FRMPD4: variants seen among roughly 807,000 people sequenced by gnomAD.
The protein encoded by FRMPD4 is FERM and PDZ domain containing 4.
Under a neutral mutation model 94.1 loss-of-function variants are expected in FRMPD4, and 22 were observed. The ratio of observed to expected loss-of-function variants is 0.23; its 90% CI spans 0.17 to 0.33. The LOEUF is 0.33. Among genes scored for constraint, FRMPD4 ranks in the 10% least tolerant of loss-of-function variants. FRMPD4 has a pLI of 1.00. For missense variants in FRMPD4, 1,111 were observed against 1,339.9 expected (o/e 0.83, Z 2.67); for synonymous variants, 631 against 548.6 (o/e 1.15, Z -2.10).
chrX:12,432,004 C>T (rs1225843026), intron 1 of FRMPD4, among the ~76,000 whole-genome samples: 1 of 111,900 alleles, frequency 8.9e-6, no homozygotes, highest in Non-Finnish European at 1.9e-5. Context: ...AACCAGAGCC[C>T]CTCCCTGCCT....
Position 12,376,646 on chromosome X carries a change from GAC to G in FRMPD4, c.42-122015_42-122014del, listed in dbSNP as rs112007203. On this transcript the variant is annotated intron_variant, in intron 1 of 16. Transcript: ENST00000675598. ...ACGTGTGTGGGTGCACGTGCATGTGGACACACACACACACACACACTCATTCA... is the reference window on the plus strand; with the variant it reads ...ACGTGTGTGGGTGCACGTGCATGTGGACACACACACACACACACTCATTCA... Among the ~76,000 whole-genome samples, 554 of 109,961 alleles carry G rather than the reference GAC, an allele frequency of 5.0e-3. 3 individuals are homozygous for G. Among genetic ancestry groups the G allele is most frequent in the African/African-American group, 0.017 (502 of 30,223 alleles).
intron 2 of FRMPD4, among the ~76,000 whole-genome samples, chrX:12,556,373 A>G (rs1299252112): frequency 9.0e-6 from 1 of 110,584 alleles, no homozygotes; most frequent in Non-Finnish European, 1.9e-5. Flanking sequence ...AGCAGCAGAG[A>G]CCCTCTTGCT....
chrX:11,822,555 G>T (rs1177989610), exon 1 of FRMPD4, among the ~76,000 whole-genome samples: 1 of 112,021 alleles, frequency 8.9e-6, no homozygotes, highest in African/African-American at 3.2e-5. Context: ...GTCACACAAA[G>T]AAAAAGAGCT....
rs376884335 is a variant in FRMPD4, at chrX:12,317,585, CAAA to C, written c.41+178589_41+178591del. The stretch of plus-strand genomic sequence containing the variant: ...ACAAGGAAGTCAAACAACTAAATAG[CAAA>C]AAAAAAAAAAAAAAACAAAAAAAAC... On this transcript the variant is annotated intron_variant, in intron 1 of 16. Coordinates refer to ENST00000675598, the MANE Select transcript of FRMPD4 (RefSeq NM_001368397.1). 2.5e-3 allele frequency among the ~76,000 whole-genome samples: 104 copies of C among 42,423 alleles called. 1 individual carries two copies. Among genetic ancestry groups the C allele is most frequent in the African/African-American group, 6.9e-3 (83 of 12,052 alleles). 36.8% of individuals were successfully genotyped at this position (42,423 alleles called of 115,157 possible).
intron 3 of FRMPD4, among the ~76,000 whole-genome samples, chrX:11,980,024 C>T (rs1419468562): frequency 9.0e-6 from 1 of 111,678 alleles, no homozygotes; most frequent in Non-Finnish European, 1.9e-5. Context: ...CACGCACGCT[C>T]ATGCTTGTGT....
intron 2 of FRMPD4, among the ~76,000 whole-genome samples, chrX:11,874,187 G>A (rs914015840): frequency 1.3e-4 from 15 of 112,628 alleles, no homozygotes; most frequent in African/African-American, 4.8e-4. Flanking sequence ...GTCTCGCTCT[G>A]TTACTCAGGC....
At chrX:12,352,754 C>T (rs941367698) in intron 1 of FRMPD4, among the ~76,000 whole-genome samples, 2 of 112,035 alleles carry the variant, frequency 1.8e-5, no homozygotes, top group African/African-American at 6.5e-5. Context: ...AATTTTTATA[C>T]ACACATACAT....
At chrX:12,501,220 A>G (rs2057916271) in intron 2 of FRMPD4, among the ~76,000 whole-genome samples, 1 of 112,745 alleles carries the variant, frequency 8.9e-6, no homozygotes. Context: ...CAGCAGCTTA[A>G]TAGAGAAACC....
At chrX:12,571,021 A>G (rs1266124031) in intron 2 of FRMPD4, among the ~76,000 whole-genome samples, 1 of 112,645 alleles carries the variant, frequency 8.9e-6, no homozygotes, top group Non-Finnish European at 1.9e-5. Context: ...GGGGATTACC[A>G]TAAATAAAAA....
At chrX:12,446,455 A>G (rs904737609) in intron 1 of FRMPD4, among the ~76,000 whole-genome samples, 1 of 112,133 alleles carries the variant, frequency 8.9e-6, no homozygotes, top group African/African-American at 3.2e-5. Context: ...ATAAGGAATT[A>G]GTATTCCTCT....
intron 1 of FRMPD4, among the ~76,000 whole-genome samples, chrX:12,165,123 C>A (rs1184615023): frequency 3.6e-5 from 4 of 111,178 alleles, no homozygotes; most frequent in Non-Finnish European, 7.6e-5. Flanking sequence ...AAGTCCTTGC[C>A]CATGCCTATG....
chrX:12,026,792 A>T (rs989823190), intron 3 of FRMPD4, among the ~76,000 whole-genome samples: 1 of 112,762 alleles, frequency 8.9e-6, no homozygotes, highest in African/African-American at 3.2e-5. Context: ...AAGGAGGGAA[A>T]AAAAAACATT....
At chrX:12,393,451 T>G (rs2056503764) in intron 1 of FRMPD4, among the ~76,000 whole-genome samples, 1 of 112,323 alleles carries the variant, frequency 8.9e-6, no homozygotes, top group South Asian at 3.7e-4. Flanking sequence ...TAAATTAAGA[T>G]AGGCTTGGCT....
In FRMPD4 at chrX:12,580,233, A is replaced by G. The variant is rs774040146; in HGVS notation, c.159-29488A>G. Among the ~76,000 whole-genome samples, 3 of 111,833 alleles carry G rather than the reference A, an allele frequency of 2.7e-5. No homozygotes were observed. In the South Asian group the frequency reaches 1.1e-3, roughly 42 times the overall value. ...TCCAGTGGCTAAAACTCTAATAGAA[A>G]ACCTATAGTTTTTCTGGCCTGAAGA... is the stretch of plus-strand genomic sequence containing the variant. On this transcript the variant is annotated intron_variant, in intron 2 of 16. Transcript: ENST00000675598.
At chrX:11,924,768 T>A (rs1001981376) in intron 3 of FRMPD4, among the ~76,000 whole-genome samples, 1 of 111,617 alleles carries the variant, frequency 9.0e-6, no homozygotes, top group Non-Finnish European at 1.9e-5. Flanking sequence ...GCACTAAATA[T>A]GAAAAAGAAA....
chrX:12,634,101 T>G (rs1315271009), intron 4 of FRMPD4, among the ~76,000 whole-genome samples: 12 of 112,402 alleles, frequency 1.1e-4, no homozygotes, highest in Non-Finnish European at 2.3e-4. Context: ...ATTTCACACT[T>G]AAACAACTAA....
At chrX:11,908,848 C>G (rs2053981961) in intron 3 of FRMPD4, among the ~76,000 whole-genome samples, 1 of 111,895 alleles carries the variant, frequency 8.9e-6, no homozygotes, top group Non-Finnish European at 1.9e-5. Flanking sequence ...GACCATATTA[C>G]TCTGCTATTA....
At chrX:12,398,315 TC>T (rs2056569824) in intron 1 of FRMPD4, among the ~76,000 whole-genome samples, 1 of 112,087 alleles carries the variant, frequency 8.9e-6, no homozygotes, top group Admixed American at 9.4e-5. Flanking sequence ...ATACTGGCAA[TC>T]CCTATGGAGA....
chrX:12,263,632 G>C (rs148461679), intron 1 of FRMPD4, among the ~76,000 whole-genome samples: 1,186 of 111,442 alleles, frequency 0.011, 19 homozygotes, highest in African/African-American at 0.036. Flanking sequence ...GATAATAGTA[G>C]CTTAGGCCAA....
Sources: allele counts gnomAD v4.1 joint callset (sites outside exome capture counted in the v4.1 genomes callset), GRCh38; gene constraint gnomAD v4.1.1; transcripts MANE v1.5; gene names NCBI Gene and HGNC (gene_info 2026-07-23, HGNC 2026-07-21).